Variants in TP53BP1 observed in about 807,000 individuals in gnomAD.
TP53BP1 encodes the protein TP53-binding protein 1.
Under a neutral mutation model 200.8 loss-of-function variants are expected in TP53BP1, and 61 were observed. The ratio of observed to expected loss-of-function variants is 0.30; its 90% CI spans 0.25 to 0.38. The LOEUF is 0.38. TP53BP1 is among the 10% of genes least tolerant of loss of function. TP53BP1 has a pLI of 1.00. For missense variants in TP53BP1, 2,144 were observed against 2,371.9 expected (o/e 0.90, Z 2.00); for synonymous variants, 822 against 844.3 (o/e 0.97, Z 0.46).
rs61757241 is a variant in TP53BP1, at chr15:43,428,079, G to C, written c.3765C>G (p.Val1255=). 207 of 1,612,852 alleles carry C rather than the reference G, an allele frequency of 1.3e-4. No individual in the cohort carries two copies. Among genetic ancestry groups the C allele is most frequent in the Non-Finnish European group, 1.7e-4 (196 of 1,178,986 alleles). Residue 1255 remains valine (V), a synonymous_variant, in exon 18 of 28, where the codon GTC becomes GTG. Transcript: ENST00000382044. ...AATACACATCTGTAATGACACGAGT[G>C]ACAAGTGTGCGTACTTCCCGGATTG... ...MRTIREVRTL[V]TRVITDVYYV...
At chr15:43,439,074 A>C (rs556806482) in intron 15 of TP53BP1, among the ~76,000 whole-genome samples, 1 of 152,326 alleles carries the variant, frequency 6.6e-6, no homozygotes, top group Admixed American at 6.5e-5. Context: ...AATATAAATG[A>C]ATCAAGACTG....
intron 1 of TP53BP1, among the ~76,000 whole-genome samples, chr15:43,502,562 C>G (rs529622981): frequency 6.6e-6 from 1 of 151,658 alleles, no homozygotes; most frequent in South Asian, 2.1e-4. Context: ...TCACACCATT[C>G]TCCTGCCTCA....
At chr15:43,460,503 C>T (rs543746469) in intron 11 of TP53BP1, among the ~76,000 whole-genome samples, 12 of 152,244 alleles carry the variant, frequency 7.9e-5, no homozygotes, top group Non-Finnish European at 1.8e-4. Flanking sequence ...GAGCAATCTG[C>T]CCAGCTTAGC....
chr15:43,404,404 TC>T lies in TP53BP1; in HGVS notation c.*2978del, dbSNP rs2044787151. On this transcript the variant is annotated 3_prime_UTR_variant, in exon 28 of 28. Coordinates refer to ENST00000382044, the MANE Select transcript of TP53BP1 (RefSeq NM_001141980.3). ...AAGTGGAATGACAGCTGAGTCCTTC[TC>T]TCTGCAGGGCTTTAGCCGCCAGTCT... 6.2e-7 allele frequency: 1 copy of T among 1,613,884 alleles called. No homozygotes were observed. The highest frequency in any genetic ancestry group is 1.1e-5 in the South Asian group (1 of 91,060).
chr15:43,405,249 G>T lies in TP53BP1; in HGVS notation c.*2134C>A. On this transcript the variant is annotated 3_prime_UTR_variant, in exon 28 of 28. Coordinates refer to ENST00000382044, the MANE Select transcript of TP53BP1 (RefSeq NM_001141980.3). Reference sequence around the variant, plus strand: ...GCTCATAAATTGAAATAACAGCCACGTTCCCAAGGTTGTAACAGAAGATTC... The same window carrying T: ...GCTCATAAATTGAAATAACAGCCACTTTCCCAAGGTTGTAACAGAAGATTC... The T allele has an allele frequency of 6.2e-7, 1 of 1,611,772 alleles. No homozygotes were observed. The highest frequency in any genetic ancestry group is 8.5e-7 in the Non-Finnish European group (1 of 1,177,934).
intron 10 of TP53BP1, among the ~76,000 whole-genome samples, chr15:43,471,070 T>C (rs778991759): frequency 3.9e-5 from 6 of 152,152 alleles, no homozygotes; most frequent in Non-Finnish European, 5.9e-5. Context: ...CCTGCTGTTA[T>C]AGGCACTACA....
chr15:43,471,803 G>A lies in TP53BP1; in HGVS notation c.1181-1737C>T, dbSNP rs547016264. 2.0e-5 allele frequency among the ~76,000 whole-genome samples: 3 copies of A among 152,252 alleles called. No individual in the cohort carries two copies. In the South Asian group the frequency reaches 6.2e-4, roughly 32 times the overall value. Reference sequence around the variant, plus strand: ...CTACAGATAAAAGATAAAAGAAACTGTTTTAAGAATTAACCAAACTTCACT... The same window carrying A: ...CTACAGATAAAAGATAAAAGAAACTATTTTAAGAATTAACCAAACTTCACT... On this transcript the variant is annotated intron_variant, in intron 10 of 27. Transcript: ENST00000382044.
chr15:43,455,745 A>G, intron 12 of TP53BP1, 147 bp downstream of exon 12: 1 of 1,113,354 alleles, frequency 9.0e-7, no homozygotes, highest in Non-Finnish European at 1.2e-6. Flanking sequence ...GCAATCCAAA[A>G]AATTTAATTT....
At chr15:43,476,512 T>C (rs538306737) in intron 8 of TP53BP1, among the ~76,000 whole-genome samples, 105 of 152,362 alleles carry the variant, frequency 6.9e-4, no homozygotes, top group African/African-American at 2.5e-3. Context: ...AAAGGATTTA[T>C]GAGCAGCCAT....
chr15:43,481,828 AAGAG>A (rs890502174), intron 4 of TP53BP1, among the ~76,000 whole-genome samples: 4 of 147,770 alleles, frequency 2.7e-5, no homozygotes, highest in South Asian at 2.1e-4. Flanking sequence ...AAAAAAAAAA[AAGAG>A]AGAGACAGAG....
chr15:43,492,222 T>G (rs1232891243), intron 2 of TP53BP1, 62 bp downstream of exon 2: 1 of 1,529,996 alleles, frequency 6.5e-7, no homozygotes, highest in Non-Finnish European at 8.9e-7. Context: ...TACTTATGTT[T>G]GCTGGTTTTC....
chr15:43,479,496 T>G lies in TP53BP1; in HGVS notation c.689A>C (p.Asp230Ala), dbSNP rs150802800. The change falls in exon 7 of 28, where the codon GAT (aspartate) becomes GCT (alanine). Residue 230 changes from aspartate to alanine, a missense_variant. Asp to Ala is a moderately radical substitution (Grantham distance 126, BLOSUM62 -2). Transcript: ENST00000382044. ...GCTGGACTGTTCTGCTATGGGGATA[T>G]CTTCGTTGGACTGTTCTTCATGCTT... is the stretch of plus-strand genomic sequence containing the variant. ...AIKHEEQSNEDIPIAEQSSKD... is the reference protein window; with the variant it reads ...AIKHEEQSNEAIPIAEQSSKD... The G allele has an allele frequency of 4.6e-5, 74 of 1,613,502 alleles. No individual in the cohort carries two copies. The African/African-American group carries it at 9.6e-4, about 21-fold the overall frequency.
Position 43,420,630 on chromosome 15 carries a change from G to A in TP53BP1, c.4356C>T (p.Thr1452=). 1 of 1,614,194 alleles carries A rather than the reference G, an allele frequency of 6.2e-7. No homozygotes were observed. Among genetic ancestry groups the A allele is most frequent in the Non-Finnish European group, 8.5e-7 (1 of 1,180,038 alleles). The change falls in exon 21 of 28, where the codon ACC becomes ACT. Residue 1452 remains threonine (T), a synonymous_variant. Transcript: ENST00000382044. ...SRVVPRVPDS[T]RRTDVGAGAL... Reference sequence around the variant, plus strand: ...CACCAGCACCCACATCTGTTCGTCTGGTGGAGTCTGGCACTCGGGGCACGA... The same window carrying A: ...CACCAGCACCCACATCTGTTCGTCTAGTGGAGTCTGGCACTCGGGGCACGA...
intron 4 of TP53BP1, among the ~76,000 whole-genome samples, chr15:43,485,586 A>AAAAAAAAAAAAAAAG (rs1204053732): frequency 6.7e-6 from 1 of 148,572 alleles, no homozygotes; most frequent in South Asian, 2.1e-4. Flanking sequence ...CAAAAAAAAA[A>AAAAAAAAAAAAAAAG]AAAGAAAGTA....
At chr15:43,412,614 C>T in intron 24 of TP53BP1, 2 of 465,332 alleles carry the variant, frequency 4.3e-6, no homozygotes, top group South Asian at 3.1e-5. Context: ...TTGCAATCAC[C>T]CTGAGGAACC....
chr15:43,492,934 G>A, intron 1 of TP53BP1, 103 bp downstream of exon 1: 4 of 397,440 alleles, frequency 1.0e-5, no homozygotes, highest in African/African-American at 9.8e-5. Flanking sequence ...CCCCGTCACC[G>A]CCGCCATGCT....
At position 43,413,144 on chromosome 15, in the gene TP53BP1, A is replaced by T; in HGVS notation, c.5280T>A (p.Pro1760=). The change falls in exon 24 of 28, where the codon CCT becomes CCA. Residue 1760 remains proline (P), a synonymous_variant. Coordinates refer to ENST00000382044, the MANE Select transcript of TP53BP1 (RefSeq NM_001141980.3). ...LASRSKLPDG[P]TGSSEEEEEF... Reference sequence around the variant, plus strand: ...CCTCCTCTTCTTCACTGCTTCCTGTAGGACCATCTGGCAGTTTGGAGCGGC... The same window carrying T: ...CCTCCTCTTCTTCACTGCTTCCTGTTGGACCATCTGGCAGTTTGGAGCGGC... 1.2e-6 allele frequency: 2 copies of T among 1,614,156 alleles called. No individual in the cohort carries two copies. The highest frequency in any genetic ancestry group is 1.1e-5 in the South Asian group (1 of 91,084).
At chr15:43,427,643 C>CA (rs2045573989) in intron 18 of TP53BP1, among the ~76,000 whole-genome samples, 1 of 152,072 alleles carries the variant, frequency 6.6e-6, no homozygotes, top group African/African-American at 2.4e-5. Flanking sequence ...GGTAGAAAGT[C>CA]AAGAGAATTT....
At chr15:43,414,021 T>A (rs1479067068) in intron 23 of TP53BP1, 2 of 429,084 alleles carry the variant, frequency 4.7e-6, no homozygotes, top group African/African-American at 2.1e-5. Flanking sequence ...GTGCCCCCAA[T>A]AAGTCCTTGA....
Sources: gnomAD v4.1 joint callset for allele counts (sites outside exome capture counted in the v4.1 genomes callset) on GRCh38, gnomAD v4.1.1 for gene constraint, MANE v1.5 for transcripts, NCBI Gene and HGNC (gene_info 2026-07-23, HGNC 2026-07-21) for gene names.